Variants in PDE11A observed in about 807,000 individuals in gnomAD.
PDE11A encodes dual 3',5'-cyclic-AMP and -GMP phosphodiesterase 11A.
Under a neutral mutation model 100.5 loss-of-function variants are expected in PDE11A, and 100 were observed. The ratio of observed to expected loss-of-function variants is 1.00; its 90% CI spans 0.85 to 1.18. The LOEUF (loss-of-function observed/expected upper bound fraction) is 1.18, where lower values mean the gene tolerates loss of function less well. Ranked by LOEUF, PDE11A falls within the 50% of genes most tolerant of loss-of-function variation. The pLI is 0.00. For synonymous variants in PDE11A, 381 were observed against 420.8 expected, an observed-to-expected ratio of 0.91 and a Z score of 1.16; for missense variants, 1,141 against 1,152.6, an observed-to-expected ratio of 0.99 and a Z score of 0.15.
At position 178,080,193 on chromosome 2, in the gene PDE11A, G is replaced by A. The variant is rs190764066; in HGVS notation, c.162+24109C>T. On this transcript the variant is annotated intron_variant, in intron 2 of 20. Transcript: ENST00000358450. ...TTTGCATTTGTTGTGATTGCTTTTG[G>A]TGTTTTTGTCATGAAATCTTTGCCA... Among the ~76,000 whole-genome samples, 243 of 152,238 alleles carry A rather than the reference G, an allele frequency of 1.6e-3. 1 individual carries two copies. The highest frequency in any genetic ancestry group is 0.01 in the Middle Eastern group (3 of 294).
intron 2 of PDE11A, among the ~76,000 whole-genome samples, chr2:177,992,679 A>C (rs947643348): frequency 1.3e-5 from 2 of 152,168 alleles, no homozygotes; most frequent in Admixed American, 1.3e-4. Context: ...GCACTCTTTT[A>C]AGATACTTCA....
intron 6 of PDE11A, among the ~76,000 whole-genome samples, chr2:177,836,454 G>C (rs1335424246): frequency 6.6e-6 from 1 of 152,118 alleles, no homozygotes; most frequent in African/African-American, 2.4e-5. Context: ...TCTATCTTGG[G>C]GATTGTAAAT....
intron 2 of PDE11A, among the ~76,000 whole-genome samples, chr2:178,013,695 TC>T (rs2086298412): frequency 6.6e-6 from 1 of 152,224 alleles, no homozygotes; most frequent in Non-Finnish European, 1.5e-5. Flanking sequence ...GAACTTCAGT[TC>T]TTTGAGGACT....
Position 178,014,420 on chromosome 2 carries a change from T to A in PDE11A, c.953A>T (p.Tyr318Phe), listed in dbSNP as rs2086309055. 6.2e-7 allele frequency: 1 copy of A among 1,613,326 alleles called. No individual in the cohort carries two copies. Among genetic ancestry groups the A allele is most frequent in the African/African-American group, 1.3e-5 (1 of 75,058 alleles). Residue 318 changes from tyrosine to phenylalanine, a missense_variant, in exon 2 of 20, where the codon TAC becomes TTC. Coordinates refer to ENST00000286063, the MANE Select transcript of PDE11A (RefSeq NM_016953.4). ...CATGCACAATAATGATTTTGTCTTG[T>A]ATCCAGTTAGCTTGTCGATTTCATC... ...FNDEIDKLTG[Y>F]KTKSLLCMPI...
intron 5 of PDE11A, among the ~76,000 whole-genome samples, chr2:177,857,140 A>C (rs543988770): frequency 7.2e-5 from 11 of 152,124 alleles, no homozygotes; most frequent in African/African-American, 2.2e-4. Context: ...AAAACAGCTG[A>C]AAAATATATC....
intron 2 of PDE11A, among the ~76,000 whole-genome samples, chr2:177,915,207 G>A (rs1441259684): frequency 6.6e-6 from 1 of 152,172 alleles, no homozygotes; most frequent in Admixed American, 6.5e-5. Context: ...ATTAACTAAA[G>A]TCTAGTCTAC....
intron 9 of PDE11A, among the ~76,000 whole-genome samples, chr2:177,798,969 A>G (rs1042695377): frequency 6.6e-6 from 1 of 152,222 alleles, no homozygotes; most frequent in African/African-American, 2.4e-5. Context: ...CCAGACGATC[A>G]AGGTTAACAT....
chr2:177,677,630 C>A (rs779431171), intron 16 of PDE11A, among the ~76,000 whole-genome samples: 1 of 152,008 alleles, frequency 6.6e-6, no homozygotes, highest in Non-Finnish European at 1.5e-5. Context: ...AGGAAGGAGA[C>A]TCATTGGAGA....
chr2:178,096,519 C>T (rs189059354), intron 2 of PDE11A, among the ~76,000 whole-genome samples: 57 of 152,122 alleles, frequency 3.7e-4, no homozygotes, highest in Admixed American at 4.6e-4. Context: ...ATTTTCCAAA[C>T]TTTTATGCTC....
intron 1 of PDE11A, among the ~76,000 whole-genome samples, 171 bp downstream of exon 1, chr2:178,071,355 A>G (rs1244157836): frequency 6.6e-6 from 1 of 152,244 alleles, no homozygotes; most frequent in Non-Finnish European, 1.5e-5. Context: ...GGACCAACAC[A>G]TCAAAGATGC....
At position 178,000,045 on chromosome 2, in the gene PDE11A, G is replaced by A. The variant is rs186389521; in HGVS notation, c.1071+14257C>T. On this transcript the variant is annotated intron_variant, in intron 2 of 19. Coordinates refer to ENST00000286063, the MANE Select transcript of PDE11A (RefSeq NM_016953.4). Reference sequence around the variant, plus strand: ...TTTCTAAATAGAGTATGCAGAATATGAAAGGGGTGGGGGAAATGCTCTTTT... The same window carrying A: ...TTTCTAAATAGAGTATGCAGAATATAAAAGGGGTGGGGGAAATGCTCTTTT... 2.4e-3 allele frequency among the ~76,000 whole-genome samples: 370 copies of A among 152,278 alleles called. 2 individuals are homozygous for A. The highest frequency in any genetic ancestry group is 8.3e-3 in the African/African-American group (344 of 41,556).
chr2:178,043,213 C>T (rs1411953487), intron 1 of PDE11A, among the ~76,000 whole-genome samples: 1 of 152,080 alleles, frequency 6.6e-6, no homozygotes, highest in African/African-American at 2.4e-5. Context: ...TGCTATTTCC[C>T]TAACAGACAG....
chr2:177,853,680 A>ATGTGTGTGTGTGTGTGTGTG (rs1212022176), intron 5 of PDE11A, among the ~76,000 whole-genome samples: 1 of 36,508 alleles, frequency 2.7e-5, no homozygotes, highest in Admixed American at 4.6e-4. Flanking sequence ...ATATATATAT[A>ATGTGTGTGTGTGTGTGTGTG]TGTGTGTGTG....
At chr2:177,885,264 A>G (rs1273470203) in intron 4 of PDE11A, among the ~76,000 whole-genome samples, 1 of 151,578 alleles carries the variant, frequency 6.6e-6, no homozygotes, top group Non-Finnish European at 1.5e-5. Flanking sequence ...AGTTAATATA[A>G]TTGGCCCTCT....
chr2:177,882,522 T>C (rs1286138483), intron 4 of PDE11A, among the ~76,000 whole-genome samples: 1 of 152,234 alleles, frequency 6.6e-6, no homozygotes, highest in Non-Finnish European at 1.5e-5. Context: ...GATTTTATTA[T>C]ACATTTACTA....
At chr2:178,101,474 G>T (rs1394638204) in intron 2 of PDE11A, among the ~76,000 whole-genome samples, 7 of 152,182 alleles carry the variant, frequency 4.6e-5, no homozygotes, top group Non-Finnish European at 1.0e-4. Flanking sequence ...TCAATACACA[G>T]GCATGACTGT....
chr2:177,712,162 A>C (rs1356689967), intron 12 of PDE11A, among the ~76,000 whole-genome samples: 1 of 152,178 alleles, frequency 6.6e-6, no homozygotes, highest in African/African-American at 2.4e-5. Flanking sequence ...ATCCAGAGAC[A>C]GTGACAGTTT....
At chr2:177,854,336 T>A (rs2083791013) in intron 5 of PDE11A, among the ~76,000 whole-genome samples, 1 of 151,932 alleles carries the variant, frequency 6.6e-6, no homozygotes, top group South Asian at 2.1e-4. Context: ...AAGATGGAAA[T>A]TACATATGGG....
chr2:178,069,542 C>T (rs979591401), intron 1 of PDE11A, among the ~76,000 whole-genome samples: 1 of 152,130 alleles, frequency 6.6e-6, no homozygotes. Context: ...TCCCAACAAC[C>T]CAGTCCCCTT....
Sources: gnomAD v4.1 joint callset for allele counts (sites outside exome capture counted in the v4.1 genomes callset) on GRCh38, gnomAD v4.1.1 for gene constraint, MANE v1.5 for transcripts, NCBI Gene and HGNC (gene_info 2026-07-23, HGNC 2026-07-21) for gene names.